The following RHEX variants were observed in gnomAD, a reference collection of about 807,000 sequenced individuals.
RHEX encodes the protein regulator of hemoglobinization and erythroid cell expansion protein.
A neutral mutation model predicts 20.1 loss-of-function variants in RHEX; 18 were observed. That is an observed-to-expected ratio of 0.90 (90% CI 0.62 to 1.33). The LOEUF is 1.33. Ranked by LOEUF, RHEX falls within the 40% of genes most tolerant of loss-of-function variation. The pLI, the probability that RHEX is intolerant of heterozygous loss-of-function variation, is 0.00. For missense variants in RHEX, 192 were observed against 214.3 expected (o/e 0.90, Z 0.65); for synonymous variants, 87 against 77.1 (o/e 1.13, Z -0.67).
chr1:206,072,018 C>CT (rs1190749342), intron 1 of RHEX, among the ~76,000 whole-genome samples: 9 of 151,824 alleles, frequency 5.9e-5, no homozygotes, highest in African/African-American at 1.9e-4. Flanking sequence ...AGTTAAAACC[C>CT]TTTTTTTTAG....
intron 1 of RHEX, among the ~76,000 whole-genome samples, chr1:206,096,141 G>A (rs994149637): frequency 5.9e-5 from 9 of 152,244 alleles, no homozygotes; most frequent in South Asian, 4.2e-4. Context: ...AATTTGGGGC[G>A]ATTTTCTAAA....
At chr1:206,089,156 T>A (rs1553286684) in intron 1 of RHEX, among the ~76,000 whole-genome samples, 1 of 152,206 alleles carries the variant, frequency 6.6e-6, no homozygotes, top group Non-Finnish European at 1.5e-5. Flanking sequence ...CAGATTTGCT[T>A]CAGCCTCAAA....
Position 206,098,080 on chromosome 1 carries a change from G to C in RHEX, c.12-1G>C. The C allele has an allele frequency of 2.5e-6, 4 of 1,612,102 alleles. No homozygotes were observed. The highest frequency in any genetic ancestry group is 3.4e-6 in the Non-Finnish European group (4 of 1,178,182). ...CTTTGCCCCTTTTTCTTTCCCAACA[G>C]AGTCATGGAGGTCTGGCATGGCTTA... On this transcript the variant is annotated splice_acceptor_variant, in intron 2 of 5. Transcript: ENST00000331555. LOFTEE classifies it high-confidence loss of function.
chr1:206,062,821 T>G (rs542280411), intron 1 of RHEX, among the ~76,000 whole-genome samples: 111 of 152,280 alleles, frequency 7.3e-4, no homozygotes, highest in African/African-American at 2.6e-3. Flanking sequence ...ACTTTACAAT[T>G]GATTTACTCC....
chr1:206,098,055 C>T, intron 2 of RHEX, 26 bp from the exon 3 acceptor site: 1 of 1,565,530 alleles, frequency 6.4e-7, no homozygotes, highest in South Asian at 1.1e-5. Flanking sequence ...CAATCTCTGA[C>T]TTTGCCCCTT....
chr1:206,100,159 A>G (rs1663159811), intron 4 of RHEX, among the ~76,000 whole-genome samples: 2 of 152,084 alleles, frequency 1.3e-5, no homozygotes, highest in Non-Finnish European at 1.5e-5. Flanking sequence ...GCCTGCCTCC[A>G]CCGTGGCTGC....
At chr1:206,088,384 G>T (rs1365314342) in intron 1 of RHEX, among the ~76,000 whole-genome samples, 1 of 152,006 alleles carries the variant, frequency 6.6e-6, no homozygotes, top group African/African-American at 2.4e-5. Flanking sequence ...CAAAATTATT[G>T]TTAATGAAAT....
intron 1 of RHEX, among the ~76,000 whole-genome samples, chr1:206,093,560 C>A (rs984988564): frequency 4.6e-5 from 7 of 152,138 alleles, no homozygotes; most frequent in Admixed American, 2.6e-4. Flanking sequence ...TGGGCTACTG[C>A]GCCTAGCCTA....
intron 1 of RHEX, among the ~76,000 whole-genome samples, chr1:206,088,802 A>G (rs1662890596): frequency 6.6e-6 from 1 of 152,182 alleles, no homozygotes; most frequent in Admixed American, 6.5e-5. Context: ...TTCTCTCTTT[A>G]TAAATTTTCA....
chr1:206,087,624 G>A (rs1210528872), intron 1 of RHEX, among the ~76,000 whole-genome samples: 5 of 152,208 alleles, frequency 3.3e-5, no homozygotes, highest in South Asian at 2.1e-4. Flanking sequence ...TGGACCACTC[G>A]ATAAATATTT....
intron 1 of RHEX, among the ~76,000 whole-genome samples, chr1:206,095,058 C>T (rs1484288396): frequency 6.6e-6 from 1 of 152,076 alleles, no homozygotes; most frequent in Non-Finnish European, 1.5e-5. Context: ...GGAGGCTCCA[C>T]AACCTGCCGT....
At chr1:206,069,718 C>G (rs972396950) in intron 1 of RHEX, among the ~76,000 whole-genome samples, 1 of 151,264 alleles carries the variant, frequency 6.6e-6, no homozygotes, top group South Asian at 2.1e-4. Context: ...TAAACATCTA[C>G]TGAAGCCTGT....
intron 4 of RHEX, 147 bp downstream of exon 4, chr1:206,099,945 C>A (rs76690872): frequency 1.4e-6 from 1 of 699,678 alleles, no homozygotes; most frequent in African/African-American, 1.8e-5. Flanking sequence ...TGCCAGCCTA[C>A]TTTTTTTCAG....
intron 1 of RHEX, among the ~76,000 whole-genome samples, chr1:206,054,125 TCA>T (rs1662136431): frequency 8.4e-6 from 1 of 118,992 alleles, no homozygotes; most frequent in African/African-American, 4.6e-5. Flanking sequence ...ATGGTTATCT[TCA>T]AAAAAAAAAA....
intron 1 of RHEX, among the ~76,000 whole-genome samples, chr1:206,058,919 C>T (rs530880138): frequency 6.6e-6 from 1 of 152,242 alleles, no homozygotes; most frequent in South Asian, 2.1e-4. Flanking sequence ...TACAACTGGA[C>T]TTTAAATCTC....
At chr1:206,084,524 A>C (rs1662799648) in intron 1 of RHEX, among the ~76,000 whole-genome samples, 2 of 152,148 alleles carry the variant, frequency 1.3e-5, no homozygotes, top group South Asian at 4.1e-4. Context: ...TTCATTACAG[A>C]AGAGTTAGAT....
rs373280326 is a variant in RHEX, at chr1:206,101,741, T to C, written c.319-11T>C. ...GGATCTTGACCCACATGTCTCTGCTTTTCTCCTAAGGCCACAGAGGATGTG... is the reference window on the plus strand; with the variant it reads ...GGATCTTGACCCACATGTCTCTGCTCTTCTCCTAAGGCCACAGAGGATGTG... On this transcript the variant is annotated splice_polypyrimidine_tract_variant and intron_variant, in intron 5 of 5. Coordinates refer to ENST00000331555, the MANE Select transcript of RHEX (RefSeq NM_001007544.4). 1.1e-5 allele frequency: 18 copies of C among 1,608,078 alleles called. No individual in the cohort carries two copies. The highest frequency in any genetic ancestry group is 1.5e-5 in the Non-Finnish European group (18 of 1,176,488).
intron 4 of RHEX, among the ~76,000 whole-genome samples, chr1:206,100,200 A>G: frequency 6.6e-6 from 1 of 152,318 alleles, no homozygotes; most frequent in South Asian, 2.1e-4. Context: ...CTGGCTCTGT[A>G]GCTGGCTCCT....
Position 206,067,149 on chromosome 1 carries a change from G to T in RHEX, c.-97+13884G>T, listed in dbSNP as rs1279744665. On this transcript the variant is annotated intron_variant, in intron 1 of 5. Transcript: ENST00000331555. The surrounding 1 kb of genome is among the most constrained non-coding windows in gnomAD (Gnocchi z 4.6). The stretch of plus-strand genomic sequence containing the variant: ...AGAAAGTCTGGTAATAACACAAAGA[G>T]GGGGTACTGAGGCATATCTAACCTC... 1.3e-5 allele frequency among the ~76,000 whole-genome samples: 2 copies of T among 152,180 alleles called. No homozygotes were observed. Among genetic ancestry groups the T allele is most frequent in the Non-Finnish European group, 1.5e-5 (1 of 68,038 alleles).
Sources: allele counts gnomAD v4.1 joint callset (sites outside exome capture counted in the v4.1 genomes callset), GRCh38; gene constraint gnomAD v4.1.1; non-coding constraint Gnocchi (gnomAD v3.1); transcripts MANE v1.5; gene names NCBI Gene and HGNC (gene_info 2026-07-23, HGNC 2026-07-21).